AP1AR: variants seen among roughly 807,000 people sequenced by gnomAD.
AP1AR encodes adaptor related protein complex 1 associated regulatory protein.
Under a neutral mutation model 46.3 loss-of-function variants are expected in AP1AR, and 29 were observed. The observed-to-expected ratio is 0.63, with a 90% CI of 0.47 to 0.85. The LOEUF (loss-of-function observed/expected upper bound fraction) is 0.85. AP1AR is among the 40% of genes least tolerant of loss of function. AP1AR has a pLI of 0.00. For missense variants in AP1AR, 357 were observed against 356.3 expected, an observed-to-expected ratio of 1.00 and a Z score of -0.02; for synonymous variants, 122 against 122.9, an observed-to-expected ratio of 0.99 and a Z score of 0.05.
At chr4:112,264,655 A>G (rs866446081) in intron 6 of AP1AR, among the ~76,000 whole-genome samples, 11 of 152,074 alleles carry the variant, frequency 7.2e-5, no homozygotes, top group African/African-American at 2.4e-4. Flanking sequence ...AACTTCATGT[A>G]TTGTTTTAAC....
rs1726792886 is a variant in AP1AR at position 112,268,291 on chromosome 4, T to C, written c.791T>C (p.Phe264Ser). The C allele has an allele frequency of 6.2e-7, 1 of 1,613,242 alleles. No homozygotes were observed. The change falls in exon 10 of 10, where the codon TTT becomes TCT. Residue 264 changes from phenylalanine to serine, a missense_variant. By Grantham distance (155) the Phe-to-Ser change is radical. Transcript: ENST00000274000. ...DSNGLEWEND[F>S]VSAEMDDNGN... is the part of the protein sequence containing the mutation. The stretch of plus-strand genomic sequence containing the variant: ...AATGGGCTGGAGTGGGAAAATGATT[T>C]TGTTAGTGCCGAAATGGATGATAAT...
chr4:112,266,035 A>G (rs1329175517), intron 8 of AP1AR, among the ~76,000 whole-genome samples: 1 of 151,798 alleles, frequency 6.6e-6, no homozygotes, highest in Non-Finnish European at 1.5e-5. Context: ...TAGGAAGTCA[A>G]GCACTCCTTT....
intron 6 of AP1AR, among the ~76,000 whole-genome samples, chr4:112,264,778 T>C (rs1726603611): frequency 6.6e-6 from 1 of 152,112 alleles, no homozygotes. Flanking sequence ...TTAATAACAC[T>C]ATGAATATTC....
chr4:112,241,902 T>C (rs1449714248), intron 1 of AP1AR, among the ~76,000 whole-genome samples: 8 of 152,056 alleles, frequency 5.3e-5, no homozygotes, highest in Non-Finnish European at 1.2e-4. Flanking sequence ...AAAAAAAAAA[T>C]AGCATTCTTG....
intron 1 of AP1AR, among the ~76,000 whole-genome samples, chr4:112,248,156 A>T (rs1725800622): frequency 6.6e-6 from 1 of 152,214 alleles, no homozygotes. Context: ...GTAAATCCAG[A>T]AAGTGAGAAA....
intron 4 of AP1AR, among the ~76,000 whole-genome samples, 189 bp from the exon 5 acceptor site, chr4:112,260,577 A>G (rs929795017): frequency 1.3e-5 from 2 of 152,248 alleles, no homozygotes; most frequent in African/African-American, 4.8e-5. Flanking sequence ...ACCAGTTTAT[A>G]TACTAGAATA....
rs1319280837 is a variant in AP1AR at position 112,268,599 on chromosome 4, ATCTGCCT to A, written c.*196_*202del. On this transcript the variant is annotated 3_prime_UTR_variant, in exon 10 of 10. Coordinates refer to ENST00000274000, the MANE Select transcript of AP1AR (RefSeq NM_018569.6). ...ATACAGAATTAAGTGCAATTTCATC[ATCTGCCT>A]TCTGCTTTTCAAGACCAATTTAATG... 1 of 467,282 alleles carries A rather than the reference ATCTGCCT, an allele frequency of 2.1e-6. No individual in the cohort carries two copies. Among genetic ancestry groups the A allele is most frequent in the Non-Finnish European group, 3.5e-6 (1 of 283,948 alleles). 28.9% of individuals were successfully genotyped at this position (467,282 alleles called of 1,614,324 possible).
chr4:112,240,293 G>A (rs1213947577), intron 1 of AP1AR, among the ~76,000 whole-genome samples: 1 of 151,938 alleles, frequency 6.6e-6, no homozygotes, highest in African/African-American at 2.4e-5. Flanking sequence ...TCATCTTGTA[G>A]ATGCCAGCTT....
chr4:112,247,111 A>G lies in AP1AR; in HGVS notation c.84-6097A>G, dbSNP rs368506026. Among the ~76,000 whole-genome samples the G allele has an allele frequency of 1.5e-4, 23 of 152,298 alleles. No homozygotes were observed. In the East Asian group the frequency reaches 3.7e-3, roughly 24 times the overall value. ...TTCCTGTGTCCCCAAGGAAGAGACT[A>G]TACTTCCATTTCTCGATATTACTTA... On this transcript the variant is annotated intron_variant, in intron 1 of 9. Transcript: ENST00000274000.
intron 1 of AP1AR, among the ~76,000 whole-genome samples, chr4:112,236,412 TTC>T (rs1491047766): frequency 3.3e-5 from 5 of 151,536 alleles, no homozygotes; most frequent in Admixed American, 1.3e-4. Context: ...TTTTTTTTTT[TTC>T]CCCCAAAAAG....
chr4:112,248,208 G>A (rs1028545860), intron 1 of AP1AR, among the ~76,000 whole-genome samples: 3 of 152,104 alleles, frequency 2.0e-5, no homozygotes, highest in South Asian at 2.1e-4. Flanking sequence ...CAAATCAGTG[G>A]CATGAAAACA....
At position 112,270,270 on chromosome 4, in the gene AP1AR, ATAG is replaced by A. The variant is rs1161555880; in HGVS notation, c.*1864_*1866del. On this transcript the variant is annotated 3_prime_UTR_variant, in exon 10 of 10. Coordinates refer to ENST00000274000, the MANE Select transcript of AP1AR (RefSeq NM_018569.6). ...AATAACTTATTCAGCAAATATTGGA[ATAG>A]TATTTAATATTATTGGAACTGTGTC... is the stretch of plus-strand genomic sequence containing the variant. 2.0e-5 allele frequency among the ~76,000 whole-genome samples: 3 copies of A among 152,230 alleles called. No individual in the cohort carries two copies. The highest frequency in any genetic ancestry group is 4.4e-5 in the Non-Finnish European group (3 of 68,034).
chr4:112,258,752 G>C (rs1048442213), intron 4 of AP1AR, among the ~76,000 whole-genome samples: 2 of 152,182 alleles, frequency 1.3e-5, no homozygotes. Context: ...GAAGTTACAT[G>C]AGTGTATACA....
intron 3 of AP1AR, among the ~76,000 whole-genome samples, chr4:112,255,621 A>G (rs944250598): frequency 6.6e-6 from 1 of 152,146 alleles, no homozygotes; most frequent in Non-Finnish European, 1.5e-5. Context: ...GATTTTCTAC[A>G]TGTTTATTCT....
At chr4:112,254,686 C>G in intron 2 of AP1AR, 61 bp from the exon 3 acceptor site, 1 of 1,058,562 alleles carries the variant, frequency 9.4e-7, no homozygotes, top group East Asian at 2.7e-5. Flanking sequence ...AACATAATTT[C>G]TTGTGAGATG....
rs186848461 is a variant in AP1AR, at chr4:112,256,945, T to A, written c.160-827T>A. 7.2e-5 allele frequency among the ~76,000 whole-genome samples: 11 copies of A among 152,330 alleles called. No homozygotes were observed. In the East Asian group the frequency reaches 1.2e-3, roughly 16 times the overall value. ...TCAACCAATCAGTATATAGCCTCATTCAATGTGCGTTTCTGTGTAAGACAC... is the reference window on the plus strand; with the variant it reads ...TCAACCAATCAGTATATAGCCTCATACAATGTGCGTTTCTGTGTAAGACAC... On this transcript the variant is annotated intron_variant, in intron 3 of 9. Coordinates refer to ENST00000274000, the MANE Select transcript of AP1AR (RefSeq NM_018569.6).
At position 112,253,275 on chromosome 4, in the gene AP1AR, G is replaced by C; in HGVS notation, c.132+19G>C. The C allele has an allele frequency of 6.3e-7, 1 of 1,595,884 alleles. No individual in the cohort carries two copies. The stretch of plus-strand genomic sequence containing the variant: ...AATAGAGGTAAGTAGTCCTTAATTT[G>C]ATTGAATTAAAAATGCCTTCAGAAA... On this transcript the variant is annotated intron_variant, in intron 2 of 9. Coordinates refer to ENST00000274000, the MANE Select transcript of AP1AR (RefSeq NM_018569.6).
At chr4:112,238,287 C>T (rs2110466387) in intron 1 of AP1AR, among the ~76,000 whole-genome samples, 1 of 152,322 alleles carries the variant, frequency 6.6e-6, no homozygotes, top group East Asian at 1.9e-4. Context: ...ACTACAATTT[C>T]TCCTATCCTT....
At chr4:112,250,041 A>G (rs1725890096) in intron 1 of AP1AR, among the ~76,000 whole-genome samples, 1 of 152,220 alleles carries the variant, frequency 6.6e-6, no homozygotes, top group South Asian at 2.1e-4. Context: ...CTTTAGAAGC[A>G]CTTGATAAAT....
Sources: gnomAD v4.1 joint callset for allele counts (sites outside exome capture counted in the v4.1 genomes callset) on GRCh38, gnomAD v4.1.1 for gene constraint, MANE v1.5 for transcripts, NCBI Gene and HGNC (gene_info 2026-07-23, HGNC 2026-07-21) for gene names.